The following PADI3 variants were observed in gnomAD, a reference collection of about 807,000 sequenced individuals.
The protein encoded by PADI3 is protein-arginine deiminase type-3.
In PADI3, 53 loss-of-function variants were observed where a neutral mutation model predicts 71.5. The ratio of observed to expected loss-of-function variants is 0.74; its 90% confidence interval spans 0.59 to 0.93. The LOEUF is 0.93. PADI3 is among the 40% of genes least tolerant of loss of function. The pLI is 0.00. For missense variants in PADI3, 821 were observed against 868.0 expected (o/e 0.95, Z 0.68); for synonymous variants, 361 against 347.5 (o/e 1.04, Z -0.43).
chr1:17,269,459 G>A (rs1333203658), intron 6 of PADI3, among the ~76,000 whole-genome samples: 2 of 152,164 alleles, frequency 1.3e-5, no homozygotes, highest in Non-Finnish European at 2.9e-5. Context: ...GTTGCTTGAG[G>A]TCAGGGGCTT....
intron 1 of PADI3, 92 bp downstream of exon 1, chr1:17,249,321 C>A: frequency 9.6e-7 from 1 of 1,037,342 alleles, no homozygotes; most frequent in Non-Finnish European, 1.5e-6. Flanking sequence ...TCTTCAGGGC[C>A]CACTCCCCAG....
At chr1:17,274,476 C>T (rs575494615) in intron 10 of PADI3, among the ~76,000 whole-genome samples, 159 bp from the exon 11 acceptor site, 8 of 152,210 alleles carry the variant, frequency 5.3e-5, no homozygotes, top group Non-Finnish European at 1.0e-4. Context: ...GAAATATTGA[C>T]TGGGTCAGAT....
rs753804383 is a variant in PADI3, at chr1:17,273,440, G to C, written c.1148G>C (p.Arg383Thr). ...NGELQDFPYK[R>T]ILGPDFGYVT... ...GAACTGCAGGATTTCCCTTACAAAA[G>C]AATCCTGGTGAGTGGTCCCGGCCGC... The change falls in exon 10 of 16, where the codon AGA becomes ACA. Residue 383 changes from arginine to threonine, a missense_variant. By Grantham distance (71) the Arg-to-Thr change is moderately conservative. Transcript: ENST00000375460. The C allele has an allele frequency of 6.2e-7, 1 of 1,609,356 alleles. No individual in the cohort carries two copies. Among genetic ancestry groups the C allele is most frequent in the Admixed American group, 1.7e-5 (1 of 59,968 alleles).
intron 7 of PADI3, 64 bp from the exon 8 acceptor site, chr1:17,270,815 A>G (rs1365311505): frequency 5.3e-6 from 6 of 1,142,320 alleles, no homozygotes; most frequent in Non-Finnish European, 7.9e-6. Context: ...TGGTGGAATC[A>G]GAGTCCCCCC....
At position 17,283,855 on chromosome 1, in the gene PADI3, G is replaced by T. The variant is rs964399073; in HGVS notation, c.*776G>T. 1 of 152,238 alleles carries T rather than the reference G, an allele frequency of 6.6e-6. No homozygotes were observed. Among genetic ancestry groups the T allele is most frequent in the Non-Finnish European group, 1.5e-5 (1 of 68,058 alleles). 9.4% of individuals were successfully genotyped at this position (152,238 alleles called of 1,614,324 possible). A position where few individuals can be genotyped will look rare whatever the true frequency, so the allele number is the denominator to read the frequency against. On this transcript the variant is annotated 3_prime_UTR_variant, in exon 16 of 16. Transcript: ENST00000375460. ...GGGAGACTGGGTACAAGGGTGAAAA[G>T]TAGTTCCCATAATACACATGGTTGA... is the stretch of plus-strand genomic sequence containing the variant.
chr1:17,266,124 G>A (rs2073165074), intron 4 of PADI3, among the ~76,000 whole-genome samples: 1 of 152,228 alleles, frequency 6.6e-6, no homozygotes, highest in South Asian at 2.1e-4. Flanking sequence ...GTGACTGTGT[G>A]CTAATAAAAC....
At chr1:17,250,134 T>C (rs2072947550) in intron 1 of PADI3, among the ~76,000 whole-genome samples, 1 of 152,088 alleles carries the variant, frequency 6.6e-6, no homozygotes, top group South Asian at 2.1e-4. Flanking sequence ...TCTTAGGCTT[T>C]TGGGGAGAAT....
intron 3 of PADI3, among the ~76,000 whole-genome samples, chr1:17,264,554 G>A (rs2073141803): frequency 6.6e-6 from 1 of 152,074 alleles, no homozygotes; most frequent in African/African-American, 2.4e-5. Flanking sequence ...TTTATCTCTT[G>A]AACGCAATAC....
rs76899920 is a variant in PADI3, at chr1:17,271,673, C to T, written c.1047+495C>T. 2.6e-3 allele frequency among the ~76,000 whole-genome samples: 397 copies of T among 151,562 alleles called. 2 individuals carry two copies. The highest frequency in any genetic ancestry group is 4.1e-3 in the Non-Finnish European group (281 of 67,880). Reference sequence around the variant, plus strand: ...TGTAGCTGGGGCAACATGGTGAAACCCTGTCTCTGCAAAAAAGTTAAAAAA... The same window carrying T: ...TGTAGCTGGGGCAACATGGTGAAACTCTGTCTCTGCAAAAAAGTTAAAAAA... On this transcript the variant is annotated intron_variant, in intron 9 of 15. Coordinates refer to ENST00000375460, the MANE Select transcript of PADI3 (RefSeq NM_016233.2).
chr1:17,280,351 T>C lies in PADI3; in HGVS notation c.1557T>C (p.Asp519=), dbSNP rs370518179. 101 of 1,612,462 alleles carry C rather than the reference T, an allele frequency of 6.3e-5. No individual in the cohort carries two copies. Among genetic ancestry groups the C allele is most frequent in the Non-Finnish European group, 8.2e-5 (97 of 1,178,542 alleles). The change falls in exon 14 of 16, where the codon GAT becomes GAC. Residue 519 remains aspartate, a splice_region_variant and synonymous_variant. Transcript: ENST00000375460. ...CTCTTTCATCTCTCTCCTTCACAGA[T>C]GATGAGCAGGTCAAGACCATCTCCA... is the stretch of plus-strand genomic sequence containing the variant. ...GRALLFQGVV[D]DEQVKTISIN... is the part of the protein sequence containing the mutation.
At chr1:17,268,611 G>A (rs1015930356) in intron 6 of PADI3, among the ~76,000 whole-genome samples, 13 of 146,612 alleles carry the variant, frequency 8.9e-5, no homozygotes, top group African/African-American at 3.3e-4. Context: ...GGGTTCTGGC[G>A]ATTCTCCTGC....
chr1:17,277,781 C>T (rs1569919410), intron 13 of PADI3: 1 of 154,510 alleles, frequency 6.5e-6, no homozygotes, highest in African/African-American at 2.4e-5. Context: ...CATCAGTCGT[C>T]CCTGCCCTGC....
Position 17,274,649 on chromosome 1 carries a change from T to C in PADI3, c.1170T>C (p.Gly390=), listed in dbSNP as rs2073300293. The change falls in exon 11 of 16, where the codon GGT becomes GGC. Residue 390 remains glycine (G), a synonymous_variant. Transcript: ENST00000375460. The part of the protein sequence containing the change: ...PYKRILGPDF[G]YVTREPRDRS... ...TCCCTCTCCAGGGTCCAGATTTTGG[T>C]TACGTGACTCGGGAACCACGCGACA... 6.2e-7 allele frequency: 1 copy of C among 1,611,900 alleles called. No individual in the cohort carries two copies. The highest frequency in any genetic ancestry group is 8.5e-7 in the Non-Finnish European group (1 of 1,178,784).
At chr1:17,252,321 CTT>C (rs1292658963) in intron 1 of PADI3, among the ~76,000 whole-genome samples, 1 of 151,806 alleles carries the variant, frequency 6.6e-6, no homozygotes, top group African/African-American at 2.4e-5. Context: ...CCACACAGCT[CTT>C]TCTCAAGGCT....
Position 17,283,698 on chromosome 1 carries a change from A to T in PADI3, c.*619A>T, listed in dbSNP as rs1231665152. The stretch of plus-strand genomic sequence containing the variant: ...TCACATAGTAGGAGCTTCTAGATGC[A>T]TGTGGAAGCAATGAGAGTTGTCCCT... On this transcript the variant is annotated 3_prime_UTR_variant, in exon 16 of 16. Coordinates refer to ENST00000375460, the MANE Select transcript of PADI3 (RefSeq NM_016233.2). 14 of 152,404 alleles carry T rather than the reference A, an allele frequency of 9.2e-5. No individual in the cohort carries two copies. The highest frequency in any genetic ancestry group is 9.2e-4 in the Admixed American group (14 of 15,292). The allele number at this position is 152,404 out of a possible 1,614,324, so 9.4% of individuals were successfully genotyped here.
chr1:17,273,072 A>C (rs1468012826), intron 9 of PADI3, among the ~76,000 whole-genome samples: 1 of 152,062 alleles, frequency 6.6e-6, no homozygotes, highest in Non-Finnish European at 1.5e-5. Context: ...ACTCACAGGG[A>C]CACCCCCAAG....
At chr1:17,251,156 G>A (rs771877411) in intron 1 of PADI3, among the ~76,000 whole-genome samples, 1 of 152,240 alleles carries the variant, frequency 6.6e-6, no homozygotes, top group Non-Finnish European at 1.5e-5. Flanking sequence ...AGGCTCTGGG[G>A]ACACATACAG....
intron 9 of PADI3, among the ~76,000 whole-genome samples, chr1:17,271,836 CAAAA>C (rs71571852): frequency 1.3e-5 from 1 of 79,436 alleles, no homozygotes; most frequent in East Asian, 3.6e-4. Context: ...GCAACAACAA[CAAAA>C]AAAAAAAAAA....
chr1:17,249,277 C>G (rs765891649), intron 1 of PADI3, 48 bp downstream of exon 1: 3 of 1,461,890 alleles, frequency 2.1e-6, no homozygotes, highest in Admixed American at 1.7e-5. Flanking sequence ...TGCTGATGCC[C>G]TTGGACCTTC....
Sources: gnomAD v4.1 joint callset for allele counts (sites outside exome capture counted in the v4.1 genomes callset) on GRCh38, gnomAD v4.1.1 for gene constraint, MANE v1.5 for transcripts, NCBI Gene and HGNC (gene_info 2026-07-23, HGNC 2026-07-21) for gene names.